CLTCL1: variants seen among roughly 807,000 people sequenced by gnomAD.
CLTCL1 encodes the protein clathrin heavy chain like 1.
CLTCL1 carries 159 observed loss-of-function variants against 190.0 expected under a neutral mutation model. The ratio of observed to expected loss-of-function variants is 0.84; its 90% confidence interval spans 0.74 to 0.95. The LOEUF (loss-of-function observed/expected upper bound fraction) is 0.95, where lower values mean the gene tolerates loss of function less well. Ranked by LOEUF, CLTCL1 falls within the 40% of genes least tolerant of loss-of-function variation. The pLI, the probability that CLTCL1 is intolerant of heterozygous loss-of-function variation, is 0.00. For missense variants in CLTCL1, 1,878 were observed against 2,033.4 expected, an observed-to-expected ratio of 0.92 and a Z score of 1.47; for synonymous variants, 752 against 769.6, an observed-to-expected ratio of 0.98 and a Z score of 0.38.
chr22:19,289,261 G>A (rs2088022312), intron 1 of CLTCL1, among the ~76,000 whole-genome samples: 1 of 152,206 alleles, frequency 6.6e-6, no homozygotes, highest in Non-Finnish European at 1.5e-5. Flanking sequence ...GGGATTACAG[G>A]TGTGAGCCAC....
At chr22:19,197,281 G>A (rs1555936452) in intron 24 of CLTCL1, among the ~76,000 whole-genome samples, 1 of 152,068 alleles carries the variant, frequency 6.6e-6, no homozygotes, top group African/African-American at 2.4e-5. Flanking sequence ...GTTTTCCCAA[G>A]GAGGACACCC....
chr22:19,245,455 G>A (rs2086390379), intron 3 of CLTCL1, among the ~76,000 whole-genome samples: 2 of 152,104 alleles, frequency 1.3e-5, no homozygotes, highest in Admixed American at 6.6e-5. Flanking sequence ...GCTTCCCAAA[G>A]TGCTGGGATT....
chr22:19,236,381 C>T (rs1340982206), intron 5 of CLTCL1, among the ~76,000 whole-genome samples: 1 of 152,116 alleles, frequency 6.6e-6, no homozygotes, highest in African/African-American at 2.4e-5. Flanking sequence ...TGGACAAAGA[C>T]CTCAAACGCC....
rs1555960842 is a variant in CLTCL1, at chr22:19,234,491, G to T, written c.1167+18C>A. ...TCTTAACACTCAGAACACTTGAACAGTATTCAAGGTTTATCACCTTTGGTG... is the reference window on the plus strand; with the variant it reads ...TCTTAACACTCAGAACACTTGAACATTATTCAAGGTTTATCACCTTTGGTG... On this transcript the variant is annotated intron_variant, in intron 7 of 32. Transcript: ENST00000427926. The T allele has an allele frequency of 2.5e-6, 4 of 1,595,288 alleles. No individual in the cohort carries two copies. The Admixed American group carries it at 7.0e-5, about 28-fold the overall frequency.
intron 3 of CLTCL1, among the ~76,000 whole-genome samples, chr22:19,244,418 T>C (rs1555967106): frequency 6.6e-6 from 1 of 152,212 alleles, no homozygotes; most frequent in Non-Finnish European, 1.5e-5. Context: ...AGATTAGTGG[T>C]TGCCAAAGGC....
At chr22:19,216,711 C>A (rs2085396484) in intron 18 of CLTCL1, among the ~76,000 whole-genome samples, 1 of 152,198 alleles carries the variant, frequency 6.6e-6, no homozygotes, top group Non-Finnish European at 1.5e-5. Flanking sequence ...ACACTCAGAA[C>A]CACAATCTGA....
Position 19,216,170 on chromosome 22 carries a change from A to G in CLTCL1, c.3006T>C (p.Asn1002=), listed in dbSNP as rs113436111. 231 of 1,614,012 alleles carry G rather than the reference A, an allele frequency of 1.4e-4. 2 individuals carry two copies. The African/African-American group carries it at 2.5e-3, about 17-fold the overall frequency. Residue 1002 remains asparagine (N), a synonymous_variant, in exon 19 of 33, where the codon AAT becomes AAC. Transcript: ENST00000427926. ...TCTTCTCCAGCAGTTCAATCAGTTC[A>G]TTAGGCAGGTCGGCTGTCATAAAGG... The part of the protein sequence containing the change: ...VKAFMTADLP[N]ELIELLEKIV...
chr22:19,190,864 G>C (rs1286614287), intron 27 of CLTCL1, among the ~76,000 whole-genome samples: 2 of 150,920 alleles, frequency 1.3e-5, no homozygotes, highest in Non-Finnish European at 2.9e-5. Flanking sequence ...TGCTAGCTGT[G>C]CCTCCCGGGT....
intron 14 of CLTCL1, 27 bp downstream of exon 14, chr22:19,223,864 A>C (rs782669364): frequency 1.2e-6 from 2 of 1,612,288 alleles, no homozygotes; most frequent in South Asian, 2.2e-5. Flanking sequence ...AGGGCAGCTC[A>C]TGGAAGGAGG....
chr22:19,252,731 G>T (rs542160452), intron 3 of CLTCL1, among the ~76,000 whole-genome samples: 3 of 152,068 alleles, frequency 2.0e-5, no homozygotes, highest in Non-Finnish European at 4.4e-5. Flanking sequence ...AATGAAAAAA[G>T]GGGACGGGCG....
At chr22:19,270,254 T>C (rs192624163) in intron 2 of CLTCL1, among the ~76,000 whole-genome samples, 103 of 152,298 alleles carry the variant, frequency 6.8e-4, no homozygotes, top group African/African-American at 2.4e-3. Flanking sequence ...TTTATTTGAA[T>C]TGTCTACAAG....
At chr22:19,235,951 G>A (rs2086069489) in intron 5 of CLTCL1, 82 bp from the exon 6 acceptor site, 1 of 1,245,552 alleles carries the variant, frequency 8.0e-7, no homozygotes. Flanking sequence ...ATGATAAAGA[G>A]GATTCTTGTT....
chr22:19,202,865 T>C lies in CLTCL1; in HGVS notation c.3601-1372A>G, dbSNP rs570230669. ...CACAGTGTCCGTGGAATGTCCTTCCTATGCCACCAAGGCCTGCTCCATGGA... is the reference window on the plus strand; with the variant it reads ...CACAGTGTCCGTGGAATGTCCTTCCCATGCCACCAAGGCCTGCTCCATGGA... On this transcript the variant is annotated intron_variant, in intron 22 of 32. Transcript: ENST00000427926. Among the ~76,000 whole-genome samples, 64 of 152,352 alleles carry C rather than the reference T, an allele frequency of 4.2e-4. 1 individual carries two copies. Among genetic ancestry groups the C allele is most frequent in the Non-Finnish European group, 2.9e-5 (2 of 68,034 alleles).
intron 1 of CLTCL1, among the ~76,000 whole-genome samples, chr22:19,279,922 A>T (rs1046777949): frequency 2.0e-5 from 3 of 152,208 alleles, no homozygotes; most frequent in Non-Finnish European, 1.5e-5. Context: ...GCTGAACTGC[A>T]CCTCAGTGGT....
intron 26 of CLTCL1, among the ~76,000 whole-genome samples, chr22:19,194,183 C>T (rs954882520): frequency 6.6e-6 from 1 of 152,188 alleles, no homozygotes; most frequent in East Asian, 1.9e-4. Flanking sequence ...GGTGTACTTA[C>T]AATCCTTTAG....
intron 22 of CLTCL1, among the ~76,000 whole-genome samples, chr22:19,205,334 A>AC (rs1398645289): frequency 6.6e-6 from 1 of 151,838 alleles, no homozygotes; most frequent in Non-Finnish European, 1.5e-5. Context: ...ACATGGTGAA[A>AC]CCCCGTCTCT....
intron 24 of CLTCL1, among the ~76,000 whole-genome samples, chr22:19,199,295 G>A (rs2084805912): frequency 6.6e-6 from 1 of 152,158 alleles, no homozygotes; most frequent in South Asian, 2.1e-4. Flanking sequence ...AAAGGGTCCA[G>A]GTGGGGTTCC....
At chr22:19,188,588 T>C (rs2084389443) in intron 27 of CLTCL1, among the ~76,000 whole-genome samples, 1 of 151,692 alleles carries the variant, frequency 6.6e-6, no homozygotes, top group Non-Finnish European at 1.5e-5. Context: ...TGTTGAAGGC[T>C]GGAGAGGCTG....
chr22:19,182,557 G>A (rs191869585), intron 30 of CLTCL1: 1 of 152,304 alleles, frequency 6.6e-6, no homozygotes, highest in Non-Finnish European at 1.5e-5. Context: ...CTCTGCAGGC[G>A]GCAGGCAGCC....
Sources: allele counts gnomAD v4.1 joint callset (sites outside exome capture counted in the v4.1 genomes callset), GRCh38; gene constraint gnomAD v4.1.1; transcripts MANE v1.5; gene names NCBI Gene and HGNC (gene_info 2026-07-23, HGNC 2026-07-21).